Variants in CTNNA2 observed in about 807,000 individuals in gnomAD.
CTNNA2 encodes catenin alpha 2.
CTNNA2 carries 42 observed loss-of-function variants against 101.0 expected under a neutral mutation model. The ratio of observed to expected loss-of-function variants is 0.42; its 90% CI spans 0.32 to 0.54. The LOEUF is 0.54. Among genes scored for constraint, CTNNA2 ranks in the 20% least tolerant of loss-of-function variants. The pLI, the probability that CTNNA2 is intolerant of heterozygous loss-of-function variation, is 0.14. For synonymous variants in CTNNA2, 450 were observed against 456.4 expected, an observed-to-expected ratio of 0.99 and a Z score of 0.18; for missense variants, 871 against 1,223.1, an observed-to-expected ratio of 0.71 and a Z score of 4.29.
intron 7 of CTNNA2, among the ~76,000 whole-genome samples, chr2:80,086,529 A>G (rs1699447847): frequency 6.6e-6 from 1 of 152,058 alleles, no homozygotes; most frequent in Admixed American, 6.6e-5. Flanking sequence ...AAATTTGGGA[A>G]GCAGCAACAC....
chr2:80,501,283 C>T (rs1687860545), intron 9 of CTNNA2, among the ~76,000 whole-genome samples: 1 of 152,164 alleles, frequency 6.6e-6, no homozygotes, highest in East Asian at 1.9e-4. Context: ...ATAACTTGAG[C>T]CTGCACAATC....
chr2:80,153,088 C>T (rs116147017), intron 7 of CTNNA2, among the ~76,000 whole-genome samples: 1,698 of 152,282 alleles, frequency 0.011, 39 homozygotes, highest in African/African-American at 0.037. Flanking sequence ...CAGCACCATC[C>T]GGTGCCAAAT....
intron 2 of CTNNA2, among the ~76,000 whole-genome samples, chr2:79,303,439 A>G (rs933249686): frequency 1.4e-4 from 22 of 152,252 alleles, no homozygotes; most frequent in African/African-American, 5.3e-4. Context: ...GCCCTGCCCT[A>G]ATGAGCTCCA....
At chr2:79,386,508 T>A (rs1165142457) in intron 4 of CTNNA2, among the ~76,000 whole-genome samples, 3 of 152,214 alleles carry the variant, frequency 2.0e-5, no homozygotes, top group Non-Finnish European at 1.5e-5. Flanking sequence ...AAAAAGTTTA[T>A]CTGCTTTAGG....
rs1236580628 is a variant in CTNNA2 at position 79,633,927 on chromosome 2, C to T, written c.-5-17625C>T. 2.0e-5 allele frequency: 3 copies of T among 152,256 alleles called. No individual in the cohort carries two copies. The East Asian group carries it at 5.8e-4, about 29-fold the overall frequency. The allele number at this position is 152,256 out of a possible 1,614,324, so 9.4% of individuals were successfully genotyped here. On this transcript the variant is annotated intron_variant, in intron 1 of 18. Transcript: ENST00000402739. ...CCTTAAGGAACCTCTCAAATAAGCCCTAGCTAATCATAAATAGTTAGTATA... is the reference window on the plus strand; with the variant it reads ...CCTTAAGGAACCTCTCAAATAAGCCTTAGCTAATCATAAATAGTTAGTATA...
At chr2:80,450,821 T>C (rs1307799311) in intron 9 of CTNNA2, among the ~76,000 whole-genome samples, 1 of 152,178 alleles carries the variant, frequency 6.6e-6, no homozygotes, top group Non-Finnish European at 1.5e-5. Context: ...GATTAAAATT[T>C]GATATAGTGC....
At chr2:79,564,076 T>A (rs1674959620) in intron 1 of CTNNA2, among the ~76,000 whole-genome samples, 1 of 152,112 alleles carries the variant, frequency 6.6e-6, no homozygotes, top group Non-Finnish European at 1.5e-5. Context: ...GTGCCACACG[T>A]GGGTTTGCGT....
chr2:80,583,057 G>C (rs1012264555), intron 14 of CTNNA2, among the ~76,000 whole-genome samples: 3 of 152,266 alleles, frequency 2.0e-5, no homozygotes, highest in Admixed American at 6.5e-5. Flanking sequence ...TTTGATTTCA[G>C]ACAGATTTGG....
chr2:79,300,834 T>G (rs1176520462), intron 2 of CTNNA2, among the ~76,000 whole-genome samples: 1 of 152,188 alleles, frequency 6.6e-6, no homozygotes, highest in African/African-American at 2.4e-5. Context: ...TATGTAAATC[T>G]TATGTCAGTC....
chr2:80,301,466 C>T (rs1573640019), intron 7 of CTNNA2, among the ~76,000 whole-genome samples: 2 of 152,202 alleles, frequency 1.3e-5, no homozygotes, highest in East Asian at 3.8e-4. Context: ...AAGATGGTTA[C>T]ATTAAGTGCA....
intron 7 of CTNNA2, among the ~76,000 whole-genome samples, chr2:80,349,199 T>G (rs1055551870): frequency 2.6e-5 from 4 of 151,964 alleles, no homozygotes; most frequent in Non-Finnish European, 4.4e-5. Context: ...AAATGCAGAG[T>G]CTTTCATCTG....
At chr2:79,399,532 A>G (rs771967087) in intron 4 of CTNNA2, among the ~76,000 whole-genome samples, 30 of 152,240 alleles carry the variant, frequency 2.0e-4, no homozygotes, top group Admixed American at 5.2e-4. Flanking sequence ...AAATAGAAAT[A>G]TCATAGACCA....
intron 3 of CTNNA2, among the ~76,000 whole-genome samples, chr2:79,819,396 TC>T (rs1574052849): frequency 6.6e-6 from 1 of 152,230 alleles, no homozygotes; most frequent in Non-Finnish European, 1.5e-5. Flanking sequence ...TTCTGTCTCT[TC>T]TACTCTTTGA....
At chr2:79,464,008 A>T (rs577541519) in intron 4 of CTNNA2, among the ~76,000 whole-genome samples, 102 of 151,984 alleles carry the variant, frequency 6.7e-4, no homozygotes, top group Non-Finnish European at 1.2e-3. Flanking sequence ...TAATACTCTA[A>T]GTTCTAGGGT....
chr2:80,572,249 G>A (rs1354934229), intron 12 of CTNNA2, among the ~76,000 whole-genome samples: 2 of 152,064 alleles, frequency 1.3e-5, no homozygotes, highest in African/African-American at 4.8e-5. Context: ...TCTGATTATG[G>A]GTGAAGTCTT....
At chr2:80,192,734 C>T (rs1478992059) in intron 7 of CTNNA2, among the ~76,000 whole-genome samples, 5 of 152,098 alleles carry the variant, frequency 3.3e-5, no homozygotes, top group African/African-American at 9.7e-5. Context: ...AGGCTGGTCT[C>T]GAACTCCTGA....
chr2:79,246,411 C>G (rs369269162), intron 2 of CTNNA2, among the ~76,000 whole-genome samples: 86 of 152,280 alleles, frequency 5.6e-4, no homozygotes, highest in African/African-American at 2.0e-3. Flanking sequence ...AGCTGAGATT[C>G]TATGCCACGC....
At chr2:80,336,152 G>C (rs531680482) in intron 7 of CTNNA2, among the ~76,000 whole-genome samples, 1 of 152,288 alleles carries the variant, frequency 6.6e-6, no homozygotes, top group East Asian at 1.9e-4. Flanking sequence ...GATTCTGAAG[G>C]CTGGGAAGTC....
chr2:80,127,998 C>T (rs141743700), intron 7 of CTNNA2, among the ~76,000 whole-genome samples: 72 of 151,546 alleles, frequency 4.8e-4, no homozygotes, highest in Non-Finnish European at 9.4e-4. Flanking sequence ...TTTGGACAGG[C>T]GATTGTCATG....
Sources: allele counts gnomAD v4.1 joint callset (sites outside exome capture counted in the v4.1 genomes callset), GRCh38; gene constraint gnomAD v4.1.1; transcripts MANE v1.5; gene names NCBI Gene and HGNC (gene_info 2026-07-23, HGNC 2026-07-21).